Variants in UGT1A5 observed in about 807,000 individuals in gnomAD.
UGT1A5 encodes the protein UDP glucuronosyltransferase family 1 member A5, also known as UDP-glucuronosyltransferase 1A5.
UGT1A5 carries 29 observed loss-of-function variants against 40.3 expected under a neutral mutation model. The ratio of observed to expected loss-of-function variants is 0.72; its 90% confidence interval spans 0.54 to 0.98. UGT1A5 has a LOEUF of 0.98. Ranked by LOEUF, UGT1A5 falls within the 50% of genes least tolerant of loss-of-function variation. UGT1A5 has a pLI of 0.00. For missense variants in UGT1A5, 678 were observed against 677.9 expected, an observed-to-expected ratio of 1.00 and a Z score of 0.00; for synonymous variants, 257 against 262.5, an observed-to-expected ratio of 0.98 and a Z score of 0.20.
Position 233,757,535 on chromosome 2 carries a change from A to AATATATATATATAT in UGT1A5, c.868-9486_868-9473dup, listed in dbSNP as rs67292694. Among the ~76,000 whole-genome samples the AATATATATATATAT allele has an allele frequency of 5.3e-3, 468 of 88,236 alleles. 9 individuals carry two copies. Among genetic ancestry groups the AATATATATATATAT allele is most frequent in the South Asian group, 0.014 (26 of 1,916 alleles). The allele number at this position is 88,236 out of a possible 152,430, so 57.9% of individuals were successfully genotyped here. Reference sequence around the variant, plus strand: ...CAAAGCCAAAATCTTGCCTGTAAGGAATATATATATATATATATATATATA... The same window carrying AATATATATATATAT: ...CAAAGCCAAAATCTTGCCTGTAAGGAATATATATATATATATATATATATATATATATATATATA... On this transcript the variant is annotated intron_variant, in intron 1 of 4. Transcript: ENST00000373414.
chr2:233,747,514 T>C, intron 1 of UGT1A5: 2 of 1,607,704 alleles, frequency 1.2e-6, no homozygotes, highest in Non-Finnish European at 1.7e-6. Context: ...CAACTGTACT[T>C]TGAAACAGAA....
intron 3 of UGT1A5, 48 bp from the exon 4 acceptor site, chr2:233,768,172 G>C: frequency 6.2e-6 from 10 of 1,613,786 alleles, no homozygotes; most frequent in South Asian, 1.1e-5. Context: ...GTCCAGCTGT[G>C]AAACTCAGAG....
rs368834284 is a variant in UGT1A5 at position 233,743,991 on chromosome 2, G to A, written c.868-23043G>A. 42 of 1,251,932 alleles carry A rather than the reference G, an allele frequency of 3.4e-5. No individual in the cohort carries two copies. In the South Asian group the frequency reaches 3.7e-4, roughly 11 times the overall value. The allele number at this position is 1,251,932 out of a possible 1,614,324, so 77.6% of individuals were successfully genotyped here. On this transcript the variant is annotated intron_variant, in intron 1 of 4. Transcript: ENST00000373414. ...GCTGCCAGCACCCAGGCGCAGGCCC[G>A]AGTGCTCGGAGACCTGGGCCGCCTG...
chr2:233,730,202 A>G (rs1380136603), intron 1 of UGT1A5, among the ~76,000 whole-genome samples: 2 of 152,160 alleles, frequency 1.3e-5, no homozygotes, highest in African/African-American at 4.8e-5. Context: ...GAGGAAGAGG[A>G]AGTAGACACG....
chr2:233,730,275 C>T (rs2078008384), intron 1 of UGT1A5, among the ~76,000 whole-genome samples: 1 of 152,142 alleles, frequency 6.6e-6, no homozygotes, highest in Admixed American at 6.5e-5. Flanking sequence ...TTTGTAAAGG[C>T]ACCATCTTCA....
At chr2:233,749,564 G>C (rs1694221021) in intron 1 of UGT1A5, among the ~76,000 whole-genome samples, 1 of 151,822 alleles carries the variant, frequency 6.6e-6, no homozygotes, top group South Asian at 2.1e-4. Flanking sequence ...GTATTCAATA[G>C]TGAGGCCACT....
At chr2:233,737,076 G>T (rs183644627) in intron 1 of UGT1A5, among the ~76,000 whole-genome samples, 1 of 152,230 alleles carries the variant, frequency 6.6e-6, no homozygotes, top group Non-Finnish European at 1.5e-5. Context: ...CTTCAGAGCT[G>T]TCAGACAGGG....
At chr2:233,759,379 A>G (rs6723506) in intron 1 of UGT1A5, among the ~76,000 whole-genome samples, 3,469 of 152,254 alleles carry the variant, frequency 0.023, 66 homozygotes, top group South Asian at 0.044. Flanking sequence ...ACAGGTTTTC[A>G]GGATACTCAG....
intron 4 of UGT1A5, among the ~76,000 whole-genome samples, chr2:233,768,995 A>C (rs771127427): frequency 6.6e-6 from 1 of 152,124 alleles, no homozygotes; most frequent in Admixed American, 6.5e-5. Context: ...CCCCCATTAG[A>C]TTTAAAACTC....
chr2:233,724,456 G>C (rs1266099425), intron 1 of UGT1A5, among the ~76,000 whole-genome samples: 1 of 126,638 alleles, frequency 7.9e-6, no homozygotes, highest in African/African-American at 3.1e-5. Flanking sequence ...GGCAGCTGCC[G>C]GGCGGAGGGG....
chr2:233,746,338 A>G (rs1693368906), intron 1 of UGT1A5, among the ~76,000 whole-genome samples: 1 of 151,758 alleles, frequency 6.6e-6, no homozygotes, highest in South Asian at 2.1e-4. Flanking sequence ...GGCAATGGAC[A>G]TGTTTATGTT....
At chr2:233,726,576 C>A (rs1575567713) in intron 1 of UGT1A5, among the ~76,000 whole-genome samples, 1 of 152,154 alleles carries the variant, frequency 6.6e-6, no homozygotes, top group East Asian at 1.9e-4. Flanking sequence ...CGCCTGTCTC[C>A]TTCACTTGTA....
chr2:233,724,642 G>A (rs896870557), intron 1 of UGT1A5, among the ~76,000 whole-genome samples: 3 of 142,058 alleles, frequency 2.1e-5, no homozygotes, highest in African/African-American at 8.0e-5. Flanking sequence ...AGATGTGATG[G>A]CGGCTGGGAA....
chr2:233,769,776 G>A lies in UGT1A5; in HGVS notation c.1307+1337G>A. ...AGGCTAAGGCGGGAGGATTGCTTGAGCCCAGAAGTTGGAGGCTGCTATGAG... is the reference window on the plus strand; with the variant it reads ...AGGCTAAGGCGGGAGGATTGCTTGAACCCAGAAGTTGGAGGCTGCTATGAG... On this transcript the variant is annotated intron_variant, in intron 4 of 4. Transcript: ENST00000373414. This position sits in a 1 kb window ranked among gnomAD's most constrained non-coding sequence, Gnocchi z 4.4. The A allele has an allele frequency of 7.3e-7, 1 of 1,373,770 alleles. No individual in the cohort carries two copies. The allele number at this position is 1,373,770 out of a possible 1,614,324, so 85.1% of individuals were successfully genotyped here. A position where few individuals can be genotyped will look rare whatever the true frequency, so the allele number is the denominator to read the frequency against.
intron 1 of UGT1A5, chr2:233,760,236 A>G: frequency 1.3e-6 from 2 of 1,590,176 alleles, no homozygotes; most frequent in Non-Finnish European, 1.7e-6. Context: ...TTTTTGCCAT[A>G]TATATATATA....
intron 1 of UGT1A5, chr2:233,747,358 G>A (rs1172361388): frequency 8.7e-6 from 14 of 1,603,108 alleles, no homozygotes; most frequent in Middle Eastern, 1.7e-4. Flanking sequence ...GAGGCCGTGC[G>A]GGAGCTCCAT....
intron 1 of UGT1A5, among the ~76,000 whole-genome samples, chr2:233,738,054 T>A (rs1271944980): frequency 6.6e-6 from 1 of 152,146 alleles, no homozygotes; most frequent in African/African-American, 2.4e-5. Flanking sequence ...GGACAGGACA[T>A]GGTGGGAGGT....
chr2:233,714,370 A>C (rs778374945), intron 1 of UGT1A5, among the ~76,000 whole-genome samples: 6 of 152,228 alleles, frequency 3.9e-5, no homozygotes, highest in African/African-American at 9.6e-5. Context: ...AAGTTGACTC[A>C]GTTCAGTGGA....
At chr2:233,752,938 T>C (rs1691143472) in intron 1 of UGT1A5, among the ~76,000 whole-genome samples, 1 of 152,262 alleles carries the variant, frequency 6.6e-6, no homozygotes, top group African/African-American at 2.4e-5. Context: ...CACTCTTTGC[T>C]GACCACTGAA....
Sources: allele counts gnomAD v4.1 joint callset (sites outside exome capture counted in the v4.1 genomes callset), GRCh38; gene constraint gnomAD v4.1.1; non-coding constraint Gnocchi (gnomAD v3.1); transcripts MANE v1.5; gene names NCBI Gene and HGNC (gene_info 2026-07-23, HGNC 2026-07-21).